SLC2A13: variants seen among roughly 807,000 people sequenced by gnomAD.
SLC2A13 encodes the protein proton myo-inositol cotransporter.
A neutral mutation model predicts 64.4 loss-of-function variants in SLC2A13; 32 were observed. That is an observed-to-expected ratio of 0.50 (90% CI 0.37 to 0.67). SLC2A13 has a LOEUF of 0.67. SLC2A13 is among the 30% of genes least tolerant of loss of function. The pLI is 0.00. For synonymous variants in SLC2A13, 338 were observed against 327.1 expected, an observed-to-expected ratio of 1.03 and a Z score of -0.36; for missense variants, 743 against 829.2, an observed-to-expected ratio of 0.90 and a Z score of 1.28.
intron 3 of SLC2A13, among the ~76,000 whole-genome samples, chr12:39,958,817 A>C (rs960370575): frequency 6.6e-5 from 10 of 151,940 alleles, no homozygotes; most frequent in African/African-American, 2.4e-4. Context: ...CCATCCTTGC[A>C]ATTCTGAAGG....
chr12:39,977,279 G>A (rs1361463899), intron 3 of SLC2A13, among the ~76,000 whole-genome samples: 1 of 152,214 alleles, frequency 6.6e-6, no homozygotes, highest in Non-Finnish European at 1.5e-5. Flanking sequence ...CTAGTGAGTG[G>A]TAAGGTCAAT....
At chr12:39,826,880 A>C (rs1332884488) in intron 7 of SLC2A13, among the ~76,000 whole-genome samples, 2 of 23,090 alleles carry the variant, frequency 8.7e-5, no homozygotes, top group Admixed American at 1.3e-3. Context: ...TTTGCAATGC[A>C]AGGTTCTTTA....
chr12:39,792,101 C>G (rs529724391), intron 7 of SLC2A13, among the ~76,000 whole-genome samples: 2 of 78,900 alleles, frequency 2.5e-5, no homozygotes, highest in South Asian at 5.5e-4. Flanking sequence ...CTTTGACAAA[C>G]CTGAGAAAAA....
intron 1 of SLC2A13, among the ~76,000 whole-genome samples, chr12:40,054,644 G>A (rs981958139): frequency 7.2e-5 from 11 of 152,146 alleles, no homozygotes; most frequent in Non-Finnish European, 1.5e-4. Context: ...ACTGCAGTGC[G>A]ACCGGATTCA....
chr12:39,909,909 A>T (rs1945389097), intron 4 of SLC2A13, among the ~76,000 whole-genome samples: 1 of 149,726 alleles, frequency 6.7e-6, no homozygotes, highest in Non-Finnish European at 1.5e-5. Flanking sequence ...GCCTCCCTGG[A>T]TACACAGGTA....
intron 1 of SLC2A13, among the ~76,000 whole-genome samples, chr12:40,052,166 G>A (rs1386874518): frequency 6.6e-6 from 1 of 152,072 alleles, no homozygotes; most frequent in Non-Finnish European, 1.5e-5. Context: ...AAGATAATAA[G>A]GTCAGGTCAT....
intron 3 of SLC2A13, among the ~76,000 whole-genome samples, chr12:39,982,433 G>C (rs372708267): frequency 6.7e-6 from 1 of 149,772 alleles, no homozygotes; most frequent in South Asian, 2.1e-4. Flanking sequence ...AAACCCCATC[G>C]TCTCAGCCCA....
At position 40,028,160 on chromosome 12, in the gene SLC2A13, T is replaced by C. The variant is rs538608964; in HGVS notation, c.925+141A>G. 170 of 411,678 alleles carry C rather than the reference T, an allele frequency of 4.1e-4. 1 individual carries two copies. Among genetic ancestry groups the C allele is most frequent in the African/African-American group, 3.1e-3 (153 of 48,774 alleles). 25.5% of individuals were successfully genotyped at this position (411,678 alleles called of 1,614,324 possible). The stretch of plus-strand genomic sequence containing the variant: ...ACATATATAATTTTATATATGGATA[T>C]TTTTGTATAAATATAAATATCCATA... On this transcript the variant is annotated intron_variant, in intron 3 of 9. Coordinates refer to ENST00000280871, the MANE Select transcript of SLC2A13 (RefSeq NM_052885.4).
chr12:40,049,426 T>C (rs1260893735), intron 1 of SLC2A13, among the ~76,000 whole-genome samples: 24 of 152,164 alleles, frequency 1.6e-4, no homozygotes, highest in Admixed American at 1.6e-3. Context: ...GTGTTTTCTG[T>C]ACAAGTGCTG....
At chr12:39,810,650 CCAT>C (rs1271841139) in intron 7 of SLC2A13, among the ~76,000 whole-genome samples, 2 of 152,100 alleles carry the variant, frequency 1.3e-5, no homozygotes, top group Non-Finnish European at 2.9e-5. Flanking sequence ...AAGTTTCCTT[CCAT>C]TACCAGCCTT....
At chr12:39,864,360 A>C (rs142401922) in intron 6 of SLC2A13, among the ~76,000 whole-genome samples, 58 of 152,342 alleles carry the variant, frequency 3.8e-4, no homozygotes, top group Non-Finnish European at 7.1e-4. Context: ...AATTGTCAGA[A>C]TATTCAGAGG....
At chr12:39,997,860 T>A (rs550250254) in intron 3 of SLC2A13, among the ~76,000 whole-genome samples, 5 of 151,796 alleles carry the variant, frequency 3.3e-5, no homozygotes, top group African/African-American at 1.2e-4. Context: ...AATCAAAAAA[T>A]TAAAAAATAG....
At position 39,923,696 on chromosome 12, in the gene SLC2A13, G is replaced by GCA. The variant is rs368849811; in HGVS notation, c.1034+27559_1034+27560dup. Among the ~76,000 whole-genome samples, 17 of 146,990 alleles carry GCA rather than the reference G, an allele frequency of 1.2e-4. 2 individuals are homozygous for GCA. Among genetic ancestry groups the GCA allele is most frequent in the African/African-American group, 3.8e-4 (15 of 39,644 alleles). ...TATATATATATATATATGCGCACGC[G>GCA]CACACACACACACACACACACACAC... On this transcript the variant is annotated intron_variant, in intron 4 of 9. Coordinates refer to ENST00000280871, the MANE Select transcript of SLC2A13 (RefSeq NM_052885.4).
chr12:39,889,606 C>T (rs1343808653), intron 4 of SLC2A13, among the ~76,000 whole-genome samples: 2 of 147,774 alleles, frequency 1.4e-5, no homozygotes, highest in South Asian at 2.1e-4. Flanking sequence ...CATCTTGGCA[C>T]ACCACAACCT....
chr12:39,952,132 C>T (rs555769613), intron 3 of SLC2A13, among the ~76,000 whole-genome samples: 44 of 152,118 alleles, frequency 2.9e-4, no homozygotes, highest in Non-Finnish European at 4.3e-4. Flanking sequence ...AAATCTGAAC[C>T]ACTGAGTCCT....
At chr12:40,016,010 G>C (rs986655667) in intron 3 of SLC2A13, among the ~76,000 whole-genome samples, 9 of 152,098 alleles carry the variant, frequency 5.9e-5, no homozygotes. Flanking sequence ...CAAAAAAACT[G>C]CTAACAGATA....
intron 1 of SLC2A13, among the ~76,000 whole-genome samples, chr12:40,101,530 G>A (rs1051505056): frequency 6.6e-6 from 1 of 152,100 alleles, no homozygotes; most frequent in African/African-American, 2.4e-5. Flanking sequence ...GAAGACTTAA[G>A]AAAGAAGGTA....
intron 3 of SLC2A13, among the ~76,000 whole-genome samples, chr12:40,004,267 C>T (rs565009496): frequency 1.7e-4 from 26 of 152,118 alleles, no homozygotes; most frequent in African/African-American, 6.3e-4. Context: ...TCACTGCAAC[C>T]TCCATGTCCT....
intron 7 of SLC2A13, among the ~76,000 whole-genome samples, chr12:39,796,694 A>G (rs573798782): frequency 6.6e-6 from 1 of 152,268 alleles, no homozygotes; most frequent in East Asian, 1.9e-4. Flanking sequence ...CTAGAATATA[A>G]TATGATTGAA....
Sources: gnomAD v4.1 joint callset for allele counts (sites outside exome capture counted in the v4.1 genomes callset) on GRCh38, gnomAD v4.1.1 for gene constraint, MANE v1.5 for transcripts, NCBI Gene and HGNC (gene_info 2026-07-23, HGNC 2026-07-21) for gene names.